The following SLIT2 variants were observed in gnomAD, a reference collection of about 807,000 sequenced individuals.
SLIT2 encodes the protein slit guidance ligand 2, also known as slit homolog 2 protein.
A neutral mutation model predicts 185.7 loss-of-function variants in SLIT2; 41 were observed. The observed-to-expected ratio is 0.22, with a 90% confidence interval of 0.17 to 0.29. SLIT2 has a LOEUF of 0.29. SLIT2 is among the 10% of genes least tolerant of loss of function. The pLI, the probability that SLIT2 is intolerant of heterozygous loss-of-function variation, is 1.00. For synonymous variants in SLIT2, 693 were observed against 680.2 expected (o/e 1.02, Z -0.29); for missense variants, 1,571 against 1,909.0 (o/e 0.82, Z 3.30).
chr4:20,422,762 C>G (rs1728260093), intron 4 of SLIT2, among the ~76,000 whole-genome samples: 1 of 151,850 alleles, frequency 6.6e-6, no homozygotes, highest in African/African-American at 2.4e-5. Context: ...AGCAACGAGG[C>G]AGGATTTTTG....
At chr4:20,593,163 T>C (rs994325597) in intron 30 of SLIT2, among the ~76,000 whole-genome samples, 9 of 152,132 alleles carry the variant, frequency 5.9e-5, no homozygotes, top group Non-Finnish European at 1.2e-4. Flanking sequence ...ATAAAGACTA[T>C]ATAGAGAATT....
At chr4:20,280,497 T>A (rs1714644982) in intron 4 of SLIT2, among the ~76,000 whole-genome samples, 1 of 152,094 alleles carries the variant, frequency 6.6e-6, no homozygotes, top group Non-Finnish European at 1.5e-5. Context: ...GTAAGTCAGA[T>A]AAGAGAGGGA....
chr4:20,459,721 T>G (rs1370551399), intron 4 of SLIT2, among the ~76,000 whole-genome samples: 1 of 152,174 alleles, frequency 6.6e-6, no homozygotes, highest in African/African-American at 2.4e-5. Flanking sequence ...TTAAAAGTCC[T>G]CTCAGAAGTC....
chr4:20,548,561 T>C lies in SLIT2; in HGVS notation c.2417+2T>C. On this transcript the variant is annotated splice_donor_variant, in intron 23 of 36. Coordinates refer to ENST00000504154, the MANE Select transcript of SLIT2 (RefSeq NM_004787.4). LOFTEE classifies it high-confidence loss of function. ...CAACATGACCCAGCTCCTCACCTTG[T>C]GAGTGTGAAAGTGTGGTACTGAGTA... 6.3e-7 allele frequency: 1 copy of C among 1,584,444 alleles called. No homozygotes were observed. The highest frequency in any genetic ancestry group is 8.7e-7 in the Non-Finnish European group (1 of 1,153,280).
chr4:20,514,592 C>G (rs1382874195), intron 11 of SLIT2, among the ~76,000 whole-genome samples: 2 of 152,046 alleles, frequency 1.3e-5, no homozygotes, highest in African/African-American at 4.8e-5. Context: ...TTGTAGTGAG[C>G]CAAGATTGCA....
In SLIT2 at chr4:20,617,553, G is replaced by T; in HGVS notation, c.4251G>T (p.Gln1417His). ...AGGAGGATCTGTTTAACCCATGCCA[G>T]GCGATCAAGTGCAAGCATGGGAAGT... Reference protein sequence around the residue: ...DEEEDLFNPCQAIKCKHGKCR... With the variant: ...DEEEDLFNPCHAIKCKHGKCR... Residue 1417 changes from glutamine (Q) to histidine (H), a missense_variant, in exon 36 of 37, where the codon CAG becomes CAT. Transcript: ENST00000504154. 1 of 1,614,006 alleles carries T rather than the reference G, an allele frequency of 6.2e-7. No individual in the cohort carries two copies. Among genetic ancestry groups the T allele is most frequent in the Non-Finnish European group, 8.5e-7 (1 of 1,180,010 alleles).
chr4:20,463,875 CAAA>C (rs555271635), intron 4 of SLIT2, among the ~76,000 whole-genome samples: 2 of 106,422 alleles, frequency 1.9e-5, no homozygotes, highest in Non-Finnish European at 4.0e-5. Context: ...GACTTTGTCT[CAAA>C]AAAAAAAAAA....
intron 4 of SLIT2, among the ~76,000 whole-genome samples, chr4:20,457,667 C>G (rs953407325): frequency 6.6e-6 from 1 of 152,126 alleles, no homozygotes; most frequent in South Asian, 2.1e-4. Flanking sequence ...GCATAATGAT[C>G]ACTTTACCTA....
At chr4:20,501,458 C>A (rs556701951) in intron 9 of SLIT2, among the ~76,000 whole-genome samples, 4 of 151,952 alleles carry the variant, frequency 2.6e-5, no homozygotes, top group South Asian at 2.1e-4. Flanking sequence ...GCTTTTTTGT[C>A]TTTTGGGTAG....
At position 20,550,861 on chromosome 4, in the gene SLIT2, G is replaced by C. The variant is rs1277021289; in HGVS notation, c.2524G>C (p.Glu842Gln). The C allele has an allele frequency of 6.2e-7, 1 of 1,608,868 alleles. No individual in the cohort carries two copies. The highest frequency in any genetic ancestry group is 1.1e-5 in the South Asian group (1 of 90,902). ...LHGNDISVVP[E>Q]GAFNDLSALS... ...TGGAAATGACATTTCTGTTGTGCCT[G>C]AAGGTGCTTTCAATGATCTTTCTGC... Residue 842 changes from glutamate (E) to glutamine (Q), a missense_variant, in exon 25 of 37, where the codon GAA becomes CAA. This residue lies in a region of SLIT2 where 1,202 missense variants were observed against 1,416.4 expected (regional missense o/e 0.85). Transcript: ENST00000504154.
chr4:20,375,336 G>A (rs1723933482), intron 4 of SLIT2, among the ~76,000 whole-genome samples: 2 of 152,160 alleles, frequency 1.3e-5, no homozygotes, highest in South Asian at 4.1e-4. Context: ...ATGGATGGCT[G>A]ATGAATCGGT....
chr4:20,270,811 A>G (rs546347557), intron 4 of SLIT2, among the ~76,000 whole-genome samples: 3 of 152,124 alleles, frequency 2.0e-5, no homozygotes, highest in Middle Eastern at 6.8e-3. Flanking sequence ...ATGTACATAG[A>G]AAACTAGAGG....
At chr4:20,272,284 AAT>A (rs1491048776) in intron 4 of SLIT2, among the ~76,000 whole-genome samples, 38 of 150,852 alleles carry the variant, frequency 2.5e-4, no homozygotes, top group East Asian at 1.8e-3. Flanking sequence ...AAAAAAAAAA[AAT>A]AAGCCAGCAT....
At chr4:20,358,939 A>G (rs1197547586) in intron 4 of SLIT2, among the ~76,000 whole-genome samples, 1 of 152,118 alleles carries the variant, frequency 6.6e-6, no homozygotes, top group Non-Finnish European at 1.5e-5. Context: ...TAAAATTCGG[A>G]CAATCATTTT....
intron 9 of SLIT2, among the ~76,000 whole-genome samples, chr4:20,499,587 T>C (rs1718526573): frequency 1.3e-5 from 2 of 152,138 alleles, no homozygotes; most frequent in African/African-American, 4.8e-5. Flanking sequence ...CCTCCTGGGT[T>C]CACGCCATTC....
chr4:20,342,469 C>T (rs1721035441), intron 4 of SLIT2, among the ~76,000 whole-genome samples: 1 of 152,036 alleles, frequency 6.6e-6, no homozygotes, highest in Non-Finnish European at 1.5e-5. Context: ...CAGAATCTCA[C>T]ATAGCTTTAC....
intron 4 of SLIT2, among the ~76,000 whole-genome samples, chr4:20,442,523 C>CAAAAAA (rs3049201): frequency 2.7e-5 from 2 of 74,224 alleles, no homozygotes; most frequent in African/African-American, 5.0e-5. Context: ...GACTCTGTCT[C>CAAAAAA]AAAAAAAAAA....
rs567691666 is a variant in SLIT2 at position 20,541,336 on chromosome 4, G to A, written c.1977-117G>A. The A allele has an allele frequency of 1.6e-5, 13 of 802,726 alleles. No individual in the cohort carries two copies. In the South Asian group the frequency reaches 2.4e-4, roughly 15 times the overall value. 49.7% of individuals were successfully genotyped at this position (802,726 alleles called of 1,614,324 possible). A position where few individuals can be genotyped will look rare whatever the true frequency, so the allele number is the denominator to read the frequency against. On this transcript the variant is annotated intron_variant, in intron 19 of 36. Coordinates refer to ENST00000504154, the MANE Select transcript of SLIT2 (RefSeq NM_004787.4). ...CTGAGTAAGAATGGGGACAGGGAAT[G>A]CAAAGAAGAAGGAATCATTCCAGCG...
intron 9 of SLIT2, among the ~76,000 whole-genome samples, chr4:20,500,411 A>C (rs1718622169): frequency 6.6e-6 from 1 of 152,172 alleles, no homozygotes; most frequent in Admixed American, 6.5e-5. Flanking sequence ...CATTCCTGAT[A>C]TTATTGCTAC....
Sources: allele counts gnomAD v4.1 joint callset (sites outside exome capture counted in the v4.1 genomes callset), GRCh38; gene constraint gnomAD v4.1.1; regional missense constraint gnomAD v4.1.1; transcripts MANE v1.5; gene names NCBI Gene and HGNC (gene_info 2026-07-23, HGNC 2026-07-21).